The following PHACTR1 variants were observed in gnomAD, a reference collection of about 807,000 sequenced individuals.
The protein encoded by PHACTR1 is phosphatase and actin regulator 1, also known as RPEL repeat containing 1.
A neutral mutation model predicts 69.2 loss-of-function variants in PHACTR1; 16 were observed. The observed-to-expected ratio is 0.23, with a 90% confidence interval of 0.16 to 0.35. PHACTR1 has a LOEUF of 0.35. Among genes scored for constraint, PHACTR1 ranks in the 10% least tolerant of loss-of-function variants. The pLI, the probability that PHACTR1 is intolerant of heterozygous loss-of-function variation, is 1.00. For synonymous variants in PHACTR1, 312 were observed against 284.5 expected (o/e 1.10, Z -0.97); for missense variants, 510 against 734.7 (o/e 0.69, Z 3.54).
At chr6:12,795,482 G>A (rs1234277650) in intron 4 of PHACTR1, among the ~76,000 whole-genome samples, 1 of 152,096 alleles carries the variant, frequency 6.6e-6, no homozygotes, top group Non-Finnish European at 1.5e-5. Flanking sequence ...ATGCTCCTGG[G>A]GAAGAACATT....
chr6:13,273,322 C>T (rs6458744), intron 11 of PHACTR1: 8,987 of 168,328 alleles, frequency 0.053, 428 homozygotes, highest in African/African-American at 0.13. Flanking sequence ...GACTAGAAAG[C>T]ATGACTTTGC....
intron 4 of PHACTR1, among the ~76,000 whole-genome samples, chr6:12,958,923 T>C (rs1279011456): frequency 6.6e-6 from 1 of 152,082 alleles, no homozygotes; most frequent in Non-Finnish European, 1.5e-5. Flanking sequence ...ACGCCTATAA[T>C]CCCAGCACTG....
chr6:13,283,572 G>A lies in PHACTR1; in HGVS notation c.1650+10G>A, dbSNP rs373003127. ...CACCGCTGCAGACAAAGTAAGCAGA[G>A]GGGAGTGCTGGAGAGTGGGAGGCAG... On this transcript the variant is annotated intron_variant, in intron 13 of 14. Coordinates refer to ENST00000332995, the MANE Select transcript of PHACTR1 (RefSeq NM_030948.6). The surrounding 1 kb of genome is among the most constrained non-coding windows in gnomAD (Gnocchi z 4.7). The A allele has an allele frequency of 1.3e-4, 207 of 1,613,636 alleles. No homozygotes were observed. The highest frequency in any genetic ancestry group is 1.7e-4 in the Non-Finnish European group (197 of 1,179,862).
At chr6:12,976,393 G>A (rs776669907) in intron 4 of PHACTR1, among the ~76,000 whole-genome samples, 9 of 152,180 alleles carry the variant, frequency 5.9e-5, no homozygotes, top group Non-Finnish European at 8.8e-5. Context: ...TAGAGCATCT[G>A]ATTCAACCCT....
chr6:12,975,325 G>C (rs147164906), intron 4 of PHACTR1, among the ~76,000 whole-genome samples: 1 of 152,172 alleles, frequency 6.6e-6, no homozygotes, highest in African/African-American at 2.4e-5. Flanking sequence ...TTAAAGAAGA[G>C]CTCACTAAGA....
intron 4 of PHACTR1, among the ~76,000 whole-genome samples, chr6:12,917,855 C>T (rs1157601406): frequency 6.6e-6 from 1 of 152,080 alleles, no homozygotes; most frequent in African/African-American, 2.4e-5. Context: ...CTGAGTTGTA[C>T]TCAGGAACTC....
At chr6:12,953,875 A>C (rs1356117136) in intron 4 of PHACTR1, among the ~76,000 whole-genome samples, 4 of 152,242 alleles carry the variant, frequency 2.6e-5, no homozygotes, top group Non-Finnish European at 5.9e-5. Context: ...TTATGTCCCA[A>C]GGTGAATTCA....
chr6:12,856,215 C>T (rs1238969782), intron 4 of PHACTR1, among the ~76,000 whole-genome samples: 1 of 151,386 alleles, frequency 6.6e-6, no homozygotes, highest in African/African-American at 2.4e-5. Context: ...TAAAATTCAC[C>T]CTTTCTTTTT....
At chr6:12,854,783 C>T (rs1794736736) in intron 4 of PHACTR1, among the ~76,000 whole-genome samples, 1 of 152,094 alleles carries the variant, frequency 6.6e-6, no homozygotes, top group Non-Finnish European at 1.5e-5. Context: ...ACATATGAAA[C>T]AATGCTCAAC....
chr6:13,026,946 TAAC>T (rs1468563600), intron 4 of PHACTR1, among the ~76,000 whole-genome samples: 10 of 152,114 alleles, frequency 6.6e-5, no homozygotes, highest in Admixed American at 5.2e-4. Context: ...AAAAAAATAA[TAAC>T]AAGTCTGCAT....
intron 4 of PHACTR1, among the ~76,000 whole-genome samples, chr6:13,043,710 AACCAG>A (rs1804571155): frequency 6.6e-6 from 1 of 152,224 alleles, no homozygotes; most frequent in Non-Finnish European, 1.5e-5. Context: ...CTGCAGGGGA[AACCAG>A]GCTTTGTTGA....
Position 12,749,784 on chromosome 6 carries a change from G to A in PHACTR1, c.244G>A (p.Gly82Arg), listed in dbSNP as rs780286778. The A allele has an allele frequency of 1.2e-6, 2 of 1,600,384 alleles. No homozygotes were observed. The highest frequency in any genetic ancestry group is 2.7e-5 in the African/African-American group (2 of 74,706). Residue 82 changes from glycine (G) to arginine (R), a missense_variant, in exon 4 of 15, where the codon GGG becomes AGG. Around this residue, in one of 2 missense-constraint regions of PHACTR1, gnomAD observed 419 missense variants for 530.9 expected, o/e 0.79. Coordinates refer to ENST00000332995, the MANE Select transcript of PHACTR1 (RefSeq NM_030948.6). ...AGAGGCCAGGATCTCCTTTAACCTGGGGGCAGGTAAGAACGCCCCTGGCGC... is the reference window on the plus strand; with the variant it reads ...AGAGGCCAGGATCTCCTTTAACCTGAGGGCAGGTAAGAACGCCCCTGGCGC... ...LAEARISFNL[G>R]AAEEVERLAA... is the part of the protein sequence containing the mutation.
rs549787370 is a variant in PHACTR1 at position 12,820,636 on chromosome 6, CATAA to C, written c.250+70847_250+70850del. Reference sequence around the variant, plus strand: ...GCCTTGTATACTTTGAGTGTCTTTACATAAGGGTTACTCAACCAGGAGATTTACA... The same window carrying C: ...GCCTTGTATACTTTGAGTGTCTTTACGGGTTACTCAACCAGGAGATTTACA... On this transcript the variant is annotated intron_variant, in intron 4 of 14. Coordinates refer to ENST00000332995, the MANE Select transcript of PHACTR1 (RefSeq NM_030948.6). Among the ~76,000 whole-genome samples, 111 of 152,276 alleles carry C rather than the reference CATAA, an allele frequency of 7.3e-4. No individual in the cohort carries two copies. In the Middle Eastern group the frequency reaches 0.017, roughly 23 times the overall value.
At chr6:13,008,232 CTG>C (rs1271748270) in intron 4 of PHACTR1, among the ~76,000 whole-genome samples, 2 of 152,210 alleles carry the variant, frequency 1.3e-5, no homozygotes, top group African/African-American at 4.8e-5. Context: ...CAGAAAAACA[CTG>C]TGGTGGAAAA....
At chr6:12,915,488 T>TA (rs2127501605) in intron 4 of PHACTR1, among the ~76,000 whole-genome samples, 1 of 122,454 alleles carries the variant, frequency 8.2e-6, no homozygotes, top group African/African-American at 3.2e-5. Flanking sequence ...GCCTGGGTGA[T>TA]AGAGTGAAAC....
At chr6:13,215,676 CATGTACTT>C (rs1207092992) in intron 8 of PHACTR1, among the ~76,000 whole-genome samples, 3 of 152,162 alleles carry the variant, frequency 2.0e-5, no homozygotes, top group African/African-American at 7.2e-5. Context: ...ATGGTTTACT[CATGTACTT>C]ATGTAAAGAA....
At chr6:13,102,860 A>G (rs1009504454) in intron 5 of PHACTR1, among the ~76,000 whole-genome samples, 1 of 152,200 alleles carries the variant, frequency 6.6e-6, no homozygotes, top group African/African-American at 2.4e-5. Context: ...CACCTTTAAA[A>G]ATAATCTCTA....
chr6:13,136,825 A>G (rs1821631684), intron 5 of PHACTR1, among the ~76,000 whole-genome samples: 1 of 152,192 alleles, frequency 6.6e-6, no homozygotes, highest in Admixed American at 6.5e-5. Context: ...GTCAGAACAC[A>G]CACTTCATTT....
chr6:13,105,463 GT>G (rs1561837327), intron 5 of PHACTR1, among the ~76,000 whole-genome samples: 2 of 152,040 alleles, frequency 1.3e-5, no homozygotes, highest in East Asian at 3.9e-4. Context: ...TTCCAAAAAG[GT>G]TTTTTCCCCC....
Sources: gnomAD v4.1 joint callset for allele counts (sites outside exome capture counted in the v4.1 genomes callset) on GRCh38, gnomAD v4.1.1 for gene constraint, gnomAD v4.1.1 regional missense constraint, Gnocchi (gnomAD v3.1) non-coding constraint, MANE v1.5 for transcripts, NCBI Gene and HGNC (gene_info 2026-07-23, HGNC 2026-07-21) for gene names.